Variants in KANK1 observed in about 807,000 individuals in gnomAD.
The protein encoded by KANK1 is KN motif and ankyrin repeat domains 1.
In KANK1, 109 loss-of-function variants were observed where a neutral mutation model predicts 106.2. The ratio of observed to expected loss-of-function variants is 1.03; its 90% CI spans 0.88 to 1.20. KANK1 has a LOEUF of 1.20. KANK1 is among the 50% of genes most tolerant of loss of function. The pLI, the probability that KANK1 is intolerant of heterozygous loss-of-function variation, is 0.00. For synonymous variants in KANK1, 873 were observed against 652.2 expected, an observed-to-expected ratio of 1.34 and a Z score of -5.16; for missense variants, 2,399 against 1,710.7, an observed-to-expected ratio of 1.40 and a Z score of -7.10.
At chr9:580,565 G>T (rs1047972104) in intron 1 of KANK1, among the ~76,000 whole-genome samples, 1 of 152,220 alleles carries the variant, frequency 6.6e-6, no homozygotes, top group African/African-American at 2.4e-5. Context: ...GTCCCCACTA[G>T]ATCAGCTAGA....
chr9:594,533 C>T (rs964086884), intron 1 of KANK1, among the ~76,000 whole-genome samples: 1 of 151,754 alleles, frequency 6.6e-6, no homozygotes, highest in Non-Finnish European at 1.5e-5. Context: ...AAATGGGAAC[C>T]AGCCCTGCCA....
At chr9:517,193 C>G (rs1267950194) in intron 1 of KANK1, among the ~76,000 whole-genome samples, 1 of 151,772 alleles carries the variant, frequency 6.6e-6, no homozygotes, top group Non-Finnish European at 1.5e-5. Flanking sequence ...ACTGCAACTT[C>G]CGACGGTTCA....
intron 2 of KANK1, among the ~76,000 whole-genome samples, chr9:679,383 T>G (rs1817056097): frequency 6.6e-6 from 1 of 152,018 alleles, no homozygotes; most frequent in African/African-American, 2.4e-5. Context: ...CAAACACAAA[T>G]GTGTGTACAC....
intron 1 of KANK1, among the ~76,000 whole-genome samples, chr9:566,179 G>C (rs535595041): frequency 5.9e-5 from 9 of 152,280 alleles, no homozygotes; most frequent in Non-Finnish European, 1.2e-4. Flanking sequence ...CCATGCAAAG[G>C]ACATGATCTT....
intron 1 of KANK1, among the ~76,000 whole-genome samples, chr9:659,473 G>C (rs1842836829): frequency 6.6e-6 from 1 of 152,132 alleles, no homozygotes; most frequent in African/African-American, 2.4e-5. Flanking sequence ...AGAAAATAAT[G>C]CTGATGCTGC....
At chr9:719,468 G>A (rs2055977966) in intron 3 of KANK1, among the ~76,000 whole-genome samples, 1 of 152,172 alleles carries the variant, frequency 6.6e-6, no homozygotes, top group Non-Finnish European at 1.5e-5. Flanking sequence ...CAGCTACATG[G>A]TTAGTTAGCT....
intron 4 of KANK1, 46 bp downstream of exon 4, chr9:730,294 A>G (rs1831857933): frequency 6.5e-7 from 1 of 1,528,910 alleles, no homozygotes; most frequent in Admixed American, 1.7e-5. Context: ...TTCTAGGGCC[A>G]GCATTGCCAG....
At chr9:695,715 T>A (rs1397747151) in intron 2 of KANK1, among the ~76,000 whole-genome samples, 3 of 152,068 alleles carry the variant, frequency 2.0e-5, no homozygotes, top group Non-Finnish European at 2.9e-5. Context: ...CCACTAGTAG[T>A]GACAATAGAA....
intron 1 of KANK1, among the ~76,000 whole-genome samples, chr9:544,425 G>C (rs1306789293): frequency 6.6e-6 from 1 of 152,130 alleles, no homozygotes; most frequent in Non-Finnish European, 1.5e-5. Context: ...GCAGAGAGGG[G>C]CATTCTGTAG....
At chr9:714,225 T>C (rs1430841164) in intron 3 of KANK1, among the ~76,000 whole-genome samples, 1 of 152,124 alleles carries the variant, frequency 6.6e-6, no homozygotes, top group African/African-American at 2.4e-5. Flanking sequence ...ACAGTAGACC[T>C]ATAACATGTC....
At chr9:621,187 G>C (rs569954202) in intron 1 of KANK1, among the ~76,000 whole-genome samples, 27 of 152,042 alleles carry the variant, frequency 1.8e-4, no homozygotes, top group Admixed American at 9.2e-4. Context: ...ACCTAATAAA[G>C]GTAAATAGAA....
rs1451281959 is a variant in KANK1 at position 713,093 on chromosome 9, T to G, written c.2327T>G (p.Met776Arg). The change falls in exon 3 of 12, where the codon ATG becomes AGG. Residue 776 changes from methionine (M) to arginine (R), a missense_variant. Met to Arg is a moderately conservative substitution (Grantham distance 91). Coordinates refer to ENST00000382297, the MANE Select transcript of KANK1 (RefSeq NM_015158.5). ...GACAACTATCTGGTTGGTCTCAAAATGAGGACTATAGCTTGTGGGCCACCA... is the reference window on the plus strand; with the variant it reads ...GACAACTATCTGGTTGGTCTCAAAAGGAGGACTATAGCTTGTGGGCCACCA... ...INDNYLVGLK[M>R]RTIACGPPQL... 3 of 1,612,932 alleles carry G rather than the reference T, an allele frequency of 1.9e-6. No individual in the cohort carries two copies. The Admixed American group carries it at 5.0e-5, about 27-fold the overall frequency.
At chr9:483,952 G>A (rs1037410386) in intron 3 of KANK1, among the ~76,000 whole-genome samples, 2 of 152,154 alleles carry the variant, frequency 1.3e-5, no homozygotes, top group African/African-American at 2.4e-5. Context: ...CCCATAAAAG[G>A]GCTTAAAGTT....
chr9:556,616 A>G (rs1396345442), intron 1 of KANK1, among the ~76,000 whole-genome samples: 2 of 152,206 alleles, frequency 1.3e-5, no homozygotes, highest in Admixed American at 1.3e-4. Context: ...TTTTAAAGCT[A>G]AAGTCCTTGT....
chr9:620,633 C>G (rs1490623101), intron 1 of KANK1, among the ~76,000 whole-genome samples: 1 of 152,072 alleles, frequency 6.6e-6, no homozygotes, highest in Non-Finnish European at 1.5e-5. Flanking sequence ...TCTCAAATGC[C>G]TGACCTCATG....
chr9:738,375 GCTTTTGAGGC>G lies in KANK1; in HGVS notation c.3426_3435del (p.Glu1144ProfsTer32). On this transcript the variant is annotated frameshift_variant, in exon 8 of 12. Transcript: ENST00000382297. LOFTEE classifies it high-confidence loss of function. ...AGCCATGGTGGGGGACTACATAGCT[GCTTTTGAGGC>G]CATTTCCCCAGATGTCCTCCGCTAT... 6.2e-7 allele frequency: 1 copy of G among 1,614,154 alleles called. No individual in the cohort carries two copies. Among genetic ancestry groups the G allele is most frequent in the Non-Finnish European group, 8.5e-7 (1 of 1,180,028 alleles).
chr9:492,025 C>G (rs888194955), intron 3 of KANK1: 4 of 152,186 alleles, frequency 2.6e-5, no homozygotes, highest in African/African-American at 9.7e-5. Context: ...TTGTAAATTA[C>G]CCAATCTTGG....
At chr9:658,120 A>C (rs1040576791) in intron 1 of KANK1, among the ~76,000 whole-genome samples, 1 of 152,126 alleles carries the variant, frequency 6.6e-6, no homozygotes, top group African/African-American at 2.4e-5. Flanking sequence ...GAAATCCTCT[A>C]TGTGAAATCT....
intron 3 of KANK1, chr9:492,041 T>C (rs551767056): frequency 1.3e-5 from 2 of 152,354 alleles, no homozygotes; most frequent in African/African-American, 4.8e-5. Context: ...CTTGGGTATG[T>C]CTTTATCAAC....
Sources: allele counts gnomAD v4.1 joint callset (sites outside exome capture counted in the v4.1 genomes callset), GRCh38; gene constraint gnomAD v4.1.1; transcripts MANE v1.5; gene names NCBI Gene and HGNC (gene_info 2026-07-23, HGNC 2026-07-21).